The following TCEA1 variants were observed in gnomAD, a reference collection of about 807,000 sequenced individuals.
TCEA1 encodes transcription elongation factor A1, also known as transcription elongation factor A protein 1.
TCEA1 carries 21 observed loss-of-function variants against 43.8 expected under a neutral mutation model. The ratio of observed to expected loss-of-function variants is 0.48; its 90% CI spans 0.34 to 0.69. The LOEUF (loss-of-function observed/expected upper bound fraction) is 0.69. Among genes scored for constraint, TCEA1 ranks in the 30% least tolerant of loss-of-function variants. The pLI, the probability that TCEA1 is intolerant of heterozygous loss-of-function variation, is 0.01. For synonymous variants in TCEA1, 104 were observed against 117.5 expected, an observed-to-expected ratio of 0.88 and a Z score of 0.75; for missense variants, 250 against 365.1, an observed-to-expected ratio of 0.68 and a Z score of 2.57.
At chr8:53,991,793 G>GA (rs1329699761) in intron 4 of TCEA1, among the ~76,000 whole-genome samples, 7 of 151,456 alleles carry the variant, frequency 4.6e-5, no homozygotes, top group Non-Finnish European at 4.4e-5. Flanking sequence ...TATAACGTTA[G>GA]AAAAAATTAC....
intron 1 of TCEA1, chr8:54,021,508 G>GA (rs1805029516): frequency 6.6e-6 from 1 of 152,234 alleles, no homozygotes; most frequent in Non-Finnish European, 1.5e-5. Context: ...AACTCGCCAA[G>GA]AAACTGGCAC....
chr8:53,996,554 G>C (rs886813289), intron 3 of TCEA1, among the ~76,000 whole-genome samples: 3 of 152,072 alleles, frequency 2.0e-5, no homozygotes, highest in Admixed American at 6.6e-5. Context: ...ACAATGTAAA[G>C]AAAAAGCTTT....
Position 53,986,906 on chromosome 8 carries a change from G to A in TCEA1, c.523+63C>T, listed in dbSNP as rs1563480382. On this transcript the variant is annotated intron_variant, in intron 6 of 9. Transcript: ENST00000521604. ...GCATGTAAAACCGTGCCTGGCATTTGCATATGTTCAATAAATATTACTTAT... is the reference window on the plus strand; with the variant it reads ...GCATGTAAAACCGTGCCTGGCATTTACATATGTTCAATAAATATTACTTAT... 5.3e-6 allele frequency: 7 copies of A among 1,316,228 alleles called. 1 individual carries two copies. The highest frequency in any genetic ancestry group is 7.3e-6 in the Non-Finnish European group (7 of 956,420). The allele number at this position is 1,316,228 out of a possible 1,614,324, so 81.5% of individuals were successfully genotyped here. A position where few individuals can be genotyped will look rare whatever the true frequency, so the allele number is the denominator to read the frequency against.
intron 8 of TCEA1, among the ~76,000 whole-genome samples, chr8:53,977,739 C>A (rs1364038557): frequency 1.3e-5 from 2 of 151,804 alleles, no homozygotes; most frequent in African/African-American, 4.9e-5. Flanking sequence ...CACATGCAAC[C>A]AAAATAACTA....
chr8:53,992,029 G>C (rs1005015223), intron 4 of TCEA1, among the ~76,000 whole-genome samples: 2 of 151,992 alleles, frequency 1.3e-5, no homozygotes, highest in African/African-American at 4.8e-5. Flanking sequence ...ACCTCAACAC[G>C]GGCTGGGTGC....
rs762355474 is a variant in TCEA1, at chr8:53,979,217, A to G, written c.679-46T>C. 11 of 1,523,790 alleles carry G rather than the reference A, an allele frequency of 7.2e-6. No individual in the cohort carries two copies. In the African/African-American group the frequency reaches 1.4e-4, roughly 19 times the overall value. The allele number at this position is 1,523,790 out of a possible 1,614,324, so 94.4% of individuals were successfully genotyped here. A position where few individuals can be genotyped will look rare whatever the true frequency, so the allele number is the denominator to read the frequency against. ...CCACTCAGTTATAGACACCTTCTAT[A>G]TATATCCTGAATGCTTTTATGCTCA... On this transcript the variant is annotated intron_variant, in intron 7 of 9. Coordinates refer to ENST00000521604, the MANE Select transcript of TCEA1 (RefSeq NM_006756.4).
chr8:53,986,979 T>G lies in TCEA1; in HGVS notation c.513A>C (p.Gln171His). 1 of 1,596,340 alleles carries G rather than the reference T, an allele frequency of 6.3e-7. No homozygotes were observed. Among genetic ancestry groups the G allele is most frequent in the Non-Finnish European group, 8.5e-7 (1 of 1,171,914 alleles). ...IGADEEELGSQIEEAIYQEIR... is the reference protein window; with the variant it reads ...IGADEEELGSHIEEAIYQEIR... ...ACACACAAAGGATATCTTCTTCAAT[T>G]TGAGATCCTAATTCTTCCTCATCAG... The change falls in exon 6 of 10, where the codon CAA (glutamine) becomes CAC (histidine). Residue 171 changes from glutamine (Q) to histidine (H), a missense_variant. Coordinates refer to ENST00000521604, the MANE Select transcript of TCEA1 (RefSeq NM_006756.4).
At chr8:53,998,197 T>C (rs1804127922) in intron 3 of TCEA1, among the ~76,000 whole-genome samples, 1 of 152,172 alleles carries the variant, frequency 6.6e-6, no homozygotes, top group Non-Finnish European at 1.5e-5. Context: ...ACACATACAC[T>C]AGCGCCAGTA....
chr8:53,971,981 G>T, intron 8 of TCEA1: 1 of 189,864 alleles, frequency 5.3e-6, no homozygotes, highest in Non-Finnish European at 1.1e-5. Flanking sequence ...GTACAAAAGA[G>T]AAAAAAAACA....
chr8:53,973,103 G>C (rs528078602), intron 8 of TCEA1: 112 of 644,158 alleles, frequency 1.7e-4, no homozygotes, highest in African/African-American at 1.7e-3. Context: ...AAAATGAAGA[G>C]GAGATAGAAG....
At chr8:53,994,266 G>C (rs984348453) in intron 3 of TCEA1, among the ~76,000 whole-genome samples, 6 of 152,008 alleles carry the variant, frequency 3.9e-5, no homozygotes, top group African/African-American at 1.2e-4. Context: ...GATGGCTTTT[G>C]CCCAGCAGGT....
At chr8:53,999,147 C>A (rs1804166230) in intron 3 of TCEA1, among the ~76,000 whole-genome samples, 1 of 149,416 alleles carries the variant, frequency 6.7e-6, no homozygotes, top group Non-Finnish European at 1.5e-5. Flanking sequence ...ATGGCATGAA[C>A]CCAGGAGGCG....
rs370235109 is a variant in TCEA1, at chr8:53,970,382, G to C, written c.897+10C>G. The C allele has an allele frequency of 3.7e-5, 58 of 1,579,198 alleles. No homozygotes were observed. Among genetic ancestry groups the C allele is most frequent in the Middle Eastern group, 1.7e-4 (1 of 6,026 alleles). On this transcript the variant is annotated intron_variant, in intron 9 of 9. Transcript: ENST00000521604. ...GTGAGTATATAATATGAATCCAAGA[G>C]AGTCCATACCTTCCATCGATTTCCA...
intron 8 of TCEA1, chr8:53,972,674 ATTAAG>A: frequency 1.6e-6 from 1 of 627,980 alleles, no homozygotes; most frequent in Non-Finnish European, 3.1e-6. Context: ...CAGTAGAGCT[ATTAAG>A]TGTTCCTGAA....
At chr8:54,007,535 G>T (rs947861391) in intron 2 of TCEA1, among the ~76,000 whole-genome samples, 1 of 152,062 alleles carries the variant, frequency 6.6e-6, no homozygotes, top group Non-Finnish European at 1.5e-5. Context: ...ACAATAATGA[G>T]CAATTTCAAT....
intron 3 of TCEA1, among the ~76,000 whole-genome samples, chr8:53,996,545 CA>C (rs1350820495): frequency 1.3e-5 from 2 of 152,054 alleles, no homozygotes; most frequent in African/African-American, 4.8e-5. Context: ...ATCTAGCTAA[CA>C]ATGTAAAGAA....
At chr8:54,015,465 G>A (rs1175609244) in intron 1 of TCEA1, among the ~76,000 whole-genome samples, 3 of 152,034 alleles carry the variant, frequency 2.0e-5, no homozygotes, top group Non-Finnish European at 4.4e-5. Flanking sequence ...ACCATGCCTG[G>A]CCCATTATCT....
In TCEA1 at chr8:54,022,089, C is replaced by T; in HGVS notation, c.37G>A (p.Asp13Asn). Reference sequence around the variant, plus strand: ...GCGTTCTTCTTCTGCACCATCTTGTCCATCTTCTTGGCAAAGCGGACCACT... The same window carrying T: ...GCGTTCTTCTTCTGCACCATCTTGTTCATCTTCTTGGCAAAGCGGACCACT... ...DEVVRFAKKM[D>N]KMVQKKNAAG... The change falls in exon 1 of 10, where the codon GAC becomes AAC. Residue 13 changes from aspartate to asparagine, a missense_variant. Around this residue, in one of 4 missense-constraint regions of TCEA1, gnomAD observed 30 missense variants for 31.8 expected, o/e 0.94. Coordinates refer to ENST00000521604, the MANE Select transcript of TCEA1 (RefSeq NM_006756.4). The T allele has an allele frequency of 1.3e-6, 2 of 1,535,978 alleles. No homozygotes were observed. Among genetic ancestry groups the T allele is most frequent in the Non-Finnish European group, 8.8e-7 (1 of 1,133,644 alleles).
At chr8:54,010,217 T>G (rs1189808475) in intron 2 of TCEA1, 3 of 428,442 alleles carry the variant, frequency 7.0e-6, no homozygotes, top group Non-Finnish European at 1.2e-5. Context: ...ACTTTAGAGA[T>G]TCAGGTTTTA....
Sources: gnomAD v4.1 joint callset for allele counts (sites outside exome capture counted in the v4.1 genomes callset) on GRCh38, gnomAD v4.1.1 for gene constraint, gnomAD v4.1.1 regional missense constraint, MANE v1.5 for transcripts, NCBI Gene and HGNC (gene_info 2026-07-23, HGNC 2026-07-21) for gene names.